Variants in ATP6V1E1 observed in about 807,000 individuals in gnomAD.
The protein encoded by ATP6V1E1 is ATPase H+ transporting V1 subunit E1, also known as V-type proton ATPase subunit E 1.
Under a neutral mutation model 35.2 loss-of-function variants are expected in ATP6V1E1, and 21 were observed. That is an observed-to-expected ratio of 0.60 (90% CI 0.42 to 0.86). ATP6V1E1 has a LOEUF of 0.86. ATP6V1E1 is among the 40% of genes least tolerant of loss of function. The probability of loss-of-function intolerance (pLI) is 0.00; values close to 1 mark genes in which losing one functional copy is unlikely to be tolerated. For missense variants in ATP6V1E1, 183 were observed against 272.6 expected, an observed-to-expected ratio of 0.67 and a Z score of 2.32; for synonymous variants, 83 against 87.8, an observed-to-expected ratio of 0.95 and a Z score of 0.30.
intron 2 of ATP6V1E1, chr22:17,619,027 C>T (rs1469921248): frequency 2.2e-6 from 1 of 453,404 alleles, no homozygotes; most frequent in Non-Finnish European, 4.4e-6. Flanking sequence ...GGCACTGTGG[C>T]TCATACCTGT....
chr22:17,626,300 T>C (rs1336181659), intron 1 of ATP6V1E1, among the ~76,000 whole-genome samples: 1 of 118,694 alleles, frequency 8.4e-6, no homozygotes, highest in African/African-American at 3.8e-5. Context: ...AGAGCGAGAC[T>C]TCGTCTCAAA....
At chr22:17,620,449 C>A (rs903385710) in intron 1 of ATP6V1E1, among the ~76,000 whole-genome samples, 4 of 151,550 alleles carry the variant, frequency 2.6e-5, no homozygotes, top group African/African-American at 9.7e-5. Context: ...GCACGGCGAG[C>A]AACCTTCCCT....
At chr22:17,628,517 A>C in intron 1 of ATP6V1E1, 86 bp downstream of exon 1, 2 of 1,586,144 alleles carry the variant, frequency 1.3e-6, no homozygotes, top group Non-Finnish European at 1.7e-6. Context: ...TGGGCGGCTC[A>C]AGGCCCGCGG....
chr22:17,605,224 G>GA (rs1306290383), intron 4 of ATP6V1E1, among the ~76,000 whole-genome samples: 2 of 115,962 alleles, frequency 1.7e-5, no homozygotes, highest in Non-Finnish European at 3.4e-5. Context: ...AAAAAAAAAA[G>GA]AAAAGAAAAG....
chr22:17,628,314 G>A (rs1017210639), intron 1 of ATP6V1E1, among the ~76,000 whole-genome samples: 1 of 152,224 alleles, frequency 6.6e-6, no homozygotes, highest in African/African-American at 2.4e-5. Flanking sequence ...ACTAGGCACA[G>A]TGAATACCCT....
intron 1 of ATP6V1E1, among the ~76,000 whole-genome samples, chr22:17,625,266 G>A (rs2057898136): frequency 6.6e-6 from 1 of 151,974 alleles, no homozygotes; most frequent in African/African-American, 2.4e-5. Flanking sequence ...AACATCCAAC[G>A]AAAAACTTTT....
At chr22:17,612,195 A>G (rs1221712466) in intron 4 of ATP6V1E1, among the ~76,000 whole-genome samples, 1 of 152,136 alleles carries the variant, frequency 6.6e-6, no homozygotes, top group Non-Finnish European at 1.5e-5. Flanking sequence ...TCTCCAACTC[A>G]TAAGGAATCT....
rs2057793376 is a variant in ATP6V1E1 at position 17,607,704 on chromosome 22, T to C, written c.276+5108A>G. Among the ~76,000 whole-genome samples, 3 of 152,278 alleles carry C rather than the reference T, an allele frequency of 2.0e-5. No homozygotes were observed. In the South Asian group the frequency reaches 6.2e-4, roughly 32 times the overall value. On this transcript the variant is annotated intron_variant, in intron 4 of 8. Transcript: ENST00000253413. ...TAACACAAATGTAACCATTAAACAC[T>C]ATTTCTCAAAGTGTGGTTCTCAGAC... is the stretch of plus-strand genomic sequence containing the variant.
intron 4 of ATP6V1E1, among the ~76,000 whole-genome samples, chr22:17,610,335 TC>T (rs2057809278): frequency 6.6e-6 from 1 of 151,924 alleles, no homozygotes; most frequent in Non-Finnish European, 1.5e-5. Context: ...AAATTACAAG[TC>T]AAGTCAAATC....
chr22:17,626,320 AAAAAAAAAG>A (rs1364614408), intron 1 of ATP6V1E1, among the ~76,000 whole-genome samples: 1 of 148,052 alleles, frequency 6.8e-6, no homozygotes, highest in Non-Finnish European at 1.5e-5. Flanking sequence ...AAAAAAAAAA[AAAAAAAAAG>A]AAAGAAAAGA....
chr22:17,608,943 G>A (rs983450060), intron 4 of ATP6V1E1, among the ~76,000 whole-genome samples: 2 of 151,924 alleles, frequency 1.3e-5, no homozygotes, highest in African/African-American at 4.8e-5. Flanking sequence ...AAAATTAGCC[G>A]GGCGCAGTGG....
chr22:17,621,215 A>G (rs1391355687), intron 1 of ATP6V1E1, among the ~76,000 whole-genome samples: 11 of 152,084 alleles, frequency 7.2e-5, no homozygotes, highest in Admixed American at 3.3e-4. Flanking sequence ...TCGACTCTAC[A>G]TTGCCACCAG....
intron 6 of ATP6V1E1, among the ~76,000 whole-genome samples, chr22:17,599,278 T>C (rs1015085750): frequency 4.9e-5 from 7 of 143,594 alleles, no homozygotes; most frequent in African/African-American, 1.8e-4. Context: ...TTACCACCAT[T>C]AAAAAAAAAA....
chr22:17,616,862 A>T (rs1267499241), intron 2 of ATP6V1E1, among the ~76,000 whole-genome samples: 1 of 122,086 alleles, frequency 8.2e-6, no homozygotes, highest in African/African-American at 3.3e-5. Flanking sequence ...TCCCGGCTAA[A>T]ACGGTGAAAC....
At chr22:17,593,346 A>G (rs2057714674) in intron 8 of ATP6V1E1, among the ~76,000 whole-genome samples, 1 of 152,028 alleles carries the variant, frequency 6.6e-6, no homozygotes, top group Non-Finnish European at 1.5e-5. Flanking sequence ...TCTCACCACA[A>G]TATGCTGGGT....
At chr22:17,622,703 T>G (rs373238723) in intron 1 of ATP6V1E1, among the ~76,000 whole-genome samples, 6 of 152,274 alleles carry the variant, frequency 3.9e-5, no homozygotes, top group Middle Eastern at 3.4e-3. Context: ...TGGTGGCTCA[T>G]GCCTGTAATC....
intron 6 of ATP6V1E1, among the ~76,000 whole-genome samples, chr22:17,599,477 G>A (rs1349335574): frequency 2.0e-5 from 3 of 150,256 alleles, no homozygotes; most frequent in Non-Finnish European, 4.4e-5. Context: ...TTGGGAGGCT[G>A]AGGCAGGAGA....
intron 2 of ATP6V1E1, among the ~76,000 whole-genome samples, 150 bp downstream of exon 2, chr22:17,619,307 TGAAG>T (rs913325231): frequency 1.4e-5 from 2 of 146,698 alleles, no homozygotes; most frequent in Non-Finnish European, 3.0e-5. Flanking sequence ...AAAAAAAAAA[TGAAG>T]GAAGGAAGGA....
At chr22:17,611,378 C>G (rs2057814693) in intron 4 of ATP6V1E1, among the ~76,000 whole-genome samples, 1 of 152,172 alleles carries the variant, frequency 6.6e-6, no homozygotes, top group South Asian at 2.1e-4. Flanking sequence ...TGTATTTTCC[C>G]ACATTCCTGG....
Sources: gnomAD v4.1 joint callset for allele counts (sites outside exome capture counted in the v4.1 genomes callset) on GRCh38, gnomAD v4.1.1 for gene constraint, MANE v1.5 for transcripts, NCBI Gene and HGNC (gene_info 2026-07-23, HGNC 2026-07-21) for gene names.